The following C12orf42 variants were observed in gnomAD, a reference collection of about 807,000 sequenced individuals.
C12orf42 encodes the protein chromosome 12 open reading frame 42.
A neutral mutation model predicts 21.6 loss-of-function variants in C12orf42; 25 were observed. That is an observed-to-expected ratio of 1.16 (90% CI 0.84 to 1.62). C12orf42 has a LOEUF of 1.62. C12orf42 is among the 40% of genes most tolerant of loss of function. The pLI is 0.00. For synonymous variants in C12orf42, 174 were observed against 175.0 expected (o/e 0.99, Z 0.05); for missense variants, 483 against 459.3 (o/e 1.05, Z -0.47).
At chr12:103,337,688 T>C (rs2041818853) in intron 4 of C12orf42, among the ~76,000 whole-genome samples, 1 of 152,110 alleles carries the variant, frequency 6.6e-6, no homozygotes, top group African/African-American at 2.4e-5. Context: ...CATATCCCTC[T>C]AGGTGGGTAT....
the C12orf42 span, among the ~76,000 whole-genome samples, chr12:103,533,095 A>G: frequency 5.6e-4 from 86 of 152,344 alleles, no homozygotes; most frequent in African/African-American, 1.9e-3. Flanking sequence ...GCTGCATTTC[A>G]TAATACTAAC....
the C12orf42 span, among the ~76,000 whole-genome samples, chr12:103,538,399 C>G: frequency 6.6e-6 from 1 of 152,166 alleles, no homozygotes; most frequent in Non-Finnish European, 1.5e-5. Context: ...GCATTCATCC[C>G]CAATCCTTCC....
intron 4 of C12orf42, among the ~76,000 whole-genome samples, chr12:103,356,251 A>G (rs956716049): frequency 2.0e-5 from 3 of 152,072 alleles, no homozygotes; most frequent in African/African-American, 4.8e-5. Flanking sequence ...TGATGACTCC[A>G]TAACTTTTTA....
intron 10 of C12orf42, among the ~76,000 whole-genome samples, chr12:103,259,049 T>A (rs906353727): frequency 6.6e-6 from 1 of 152,208 alleles, no homozygotes; most frequent in African/African-American, 2.4e-5. Context: ...GTAATTAAGA[T>A]AAGTTGTTCT....
At chr12:103,519,646 T>C in the C12orf42 span, among the ~76,000 whole-genome samples, 3 of 152,024 alleles carry the variant, frequency 2.0e-5, no homozygotes. Flanking sequence ...GAAAAAAACA[T>C]AAGAACATGG....
At chr12:103,561,960 A>G in the C12orf42 span, among the ~76,000 whole-genome samples, 1 of 152,170 alleles carries the variant, frequency 6.6e-6, no homozygotes, top group East Asian at 1.9e-4. Context: ...CCTTACACAA[A>G]TTTATTACCT....
At chr12:103,425,091 C>A (rs1239970174) in intron 2 of C12orf42, among the ~76,000 whole-genome samples, 2 of 152,212 alleles carry the variant, frequency 1.3e-5, no homozygotes, top group African/African-American at 4.8e-5. Flanking sequence ...TGGACGGAGT[C>A]CACCACAGCT....
chr12:103,244,711 A>G (rs965062916), intron 10 of C12orf42, among the ~76,000 whole-genome samples: 1 of 152,062 alleles, frequency 6.6e-6, no homozygotes, highest in African/African-American at 2.4e-5. Context: ...CCATACATCT[A>G]ACTTATTTTT....
chr12:103,092,066 T>C, the C12orf42 span, among the ~76,000 whole-genome samples: 1 of 152,214 alleles, frequency 6.6e-6, no homozygotes. Flanking sequence ...TTGTTTGGTT[T>C]GCTATGTTCT....
In C12orf42 at chr12:103,353,605, T is replaced by C. The variant is rs575937199; in HGVS notation, c.259+15282A>G. On this transcript the variant is annotated intron_variant, in intron 4 of 5. Transcript: ENST00000548883. ...CTCCCCCTCCCTCTCTGGGAGACACTTCCTGAATTTCCCAAGAACTAAGCC... is the reference window on the plus strand; with the variant it reads ...CTCCCCCTCCCTCTCTGGGAGACACCTCCTGAATTTCCCAAGAACTAAGCC... Among the ~76,000 whole-genome samples the C allele has an allele frequency of 1.7e-3, 255 of 152,240 alleles. 1 individual carries two copies. The highest frequency in any genetic ancestry group is 5.7e-3 in the African/African-American group (236 of 41,578).
At chr12:103,341,466 C>G (rs1040023647) in intron 4 of C12orf42, among the ~76,000 whole-genome samples, 1 of 152,006 alleles carries the variant, frequency 6.6e-6, no homozygotes, top group African/African-American at 2.4e-5. Flanking sequence ...AACCCCAAAG[C>G]ACCACTGAAA....
chr12:103,188,737 CT>C, the C12orf42 span, among the ~76,000 whole-genome samples: 3 of 152,208 alleles, frequency 2.0e-5, no homozygotes, highest in East Asian at 5.8e-4. Flanking sequence ...TACTCTGGCT[CT>C]TCCTTTGCCT....
At position 103,306,346 on chromosome 12, in the gene C12orf42, C is replaced by T; in HGVS notation, c.260-1G>A. On this transcript the variant is annotated splice_acceptor_variant, in intron 4 of 5. Coordinates refer to ENST00000548883, the MANE Select transcript of C12orf42 (RefSeq NM_198521.5). LOFTEE classifies it high-confidence loss of function. The stretch of plus-strand genomic sequence containing the variant: ...GAATTTTGAGTCCTTTCTGGAAATA[C>T]TGTGAAAGGTAAATACATTCGTTTG... 6.3e-7 allele frequency: 1 copy of T among 1,597,252 alleles called. No homozygotes were observed. The highest frequency in any genetic ancestry group is 1.1e-5 in the South Asian group (1 of 88,092).
intron 4 of C12orf42, among the ~76,000 whole-genome samples, chr12:103,296,512 C>T (rs2037298582): frequency 6.6e-6 from 1 of 152,200 alleles, no homozygotes; most frequent in Admixed American, 6.5e-5. Context: ...TCCATATCCT[C>T]TCCAGCACCT....
At chr12:103,503,684 A>G in the C12orf42 span, 1 of 153,562 alleles carries the variant, frequency 6.5e-6, no homozygotes. Context: ...CTGCAGGAGC[A>G]GACGAGGGCA....
At chr12:103,432,824 C>T (rs1226070968) in intron 2 of C12orf42, among the ~76,000 whole-genome samples, 3 of 152,160 alleles carry the variant, frequency 2.0e-5, no homozygotes, top group Non-Finnish European at 2.9e-5. Context: ...AGGTGGCCAT[C>T]AGCAAGACAG....
chr12:103,245,530 G>A (rs1446278963), intron 10 of C12orf42, among the ~76,000 whole-genome samples: 4 of 151,974 alleles, frequency 2.6e-5, no homozygotes, highest in African/African-American at 9.7e-5. Flanking sequence ...TTAAAATAAT[G>A]AGATAACATA....
chr12:103,218,698 A>G, the C12orf42 span, among the ~76,000 whole-genome samples: 2 of 152,218 alleles, frequency 1.3e-5, no homozygotes, highest in African/African-American at 4.8e-5. Context: ...GAGAAAATAT[A>G]TAATCATCTC....
chr12:103,109,630 A>G, the C12orf42 span, among the ~76,000 whole-genome samples: 1 of 149,528 alleles, frequency 6.7e-6, no homozygotes, highest in Admixed American at 6.7e-5. Flanking sequence ...AATTTCTGAA[A>G]AATAATACCA....
Sources: gnomAD v4.1 joint callset for allele counts (sites outside exome capture counted in the v4.1 genomes callset) on GRCh38, gnomAD v4.1.1 for gene constraint, MANE v1.5 for transcripts, NCBI Gene and HGNC (gene_info 2026-07-23, HGNC 2026-07-21) for gene names.